ZNF536: variants seen among roughly 807,000 people sequenced by gnomAD.
ZNF536 encodes zinc finger protein 536.
ZNF536 carries 13 observed loss-of-function variants against 84.5 expected under a neutral mutation model. The ratio of observed to expected loss-of-function variants is 0.15; its 90% confidence interval spans 0.10 to 0.24. The LOEUF (loss-of-function observed/expected upper bound fraction) is 0.24. ZNF536 is among the 10% of genes least tolerant of loss of function. The pLI is 1.00. For missense variants in ZNF536, 1,536 were observed against 1,747.5 expected (o/e 0.88, Z 2.16); for synonymous variants, 811 against 742.5 (o/e 1.09, Z -1.50).
intron 2 of ZNF536, among the ~76,000 whole-genome samples, chr19:30,489,925 G>C (rs76720555): frequency 2.8e-3 from 430 of 152,320 alleles, no homozygotes; most frequent in African/African-American, 9.6e-3. Context: ...ATGGTACTTG[G>C]TCATAGATTG....
intron 1 of ZNF536, among the ~76,000 whole-genome samples, chr19:30,644,430 T>C (rs1387633785): frequency 1.3e-5 from 2 of 152,114 alleles, no homozygotes; most frequent in African/African-American, 2.4e-5. Context: ...GTTAGTTACA[T>C]ATGTATACAT....
At chr19:30,243,853 T>C (rs2024098898) in intron 1 of ZNF536, among the ~76,000 whole-genome samples, 1 of 152,222 alleles carries the variant, frequency 6.6e-6, no homozygotes, top group Non-Finnish European at 1.5e-5. Flanking sequence ...TGCAGATGTA[T>C]AGAGATTGCA....
intron 1 of ZNF536, among the ~76,000 whole-genome samples, chr19:30,672,380 T>A (rs139413752): frequency 1.3e-5 from 2 of 152,216 alleles, no homozygotes; most frequent in African/African-American, 4.8e-5. Context: ...TTAGAATGCA[T>A]GCGTTTGAAA....
In ZNF536 at chr19:30,326,800, T is replaced by TTTTTTTTG. The variant is rs1568333913; in HGVS notation, c.-119-25561_-119-25560insGTTTTTTT. On this transcript the variant is annotated intron_variant, in intron 2 of 5. Transcript: ENST00000585628. ...TTTTTTTTATAAAAAGCTTTTTTTT[T>TTTTTTTTG]TTTTTTTTTTTTTTTTTTGTTTTCT... Among the ~76,000 whole-genome samples the TTTTTTTTG allele has an allele frequency of 3.0e-4, 37 of 123,450 alleles. 1 individual carries two copies. Among genetic ancestry groups the TTTTTTTTG allele is most frequent in the Non-Finnish European group, 6.1e-4 (37 of 60,646 alleles). The allele number at this position is 123,450 out of a possible 152,430, so 81.0% of individuals were successfully genotyped here.
At chr19:30,469,216 C>T (rs1272115344) in intron 2 of ZNF536, among the ~76,000 whole-genome samples, 1 of 152,194 alleles carries the variant, frequency 6.6e-6, no homozygotes, top group Non-Finnish European at 1.5e-5. Flanking sequence ...AGGTCGAGAC[C>T]ATCCTGGCTA....
chr19:30,617,989 G>A (rs1252476267), intron 1 of ZNF536, among the ~76,000 whole-genome samples: 1 of 152,140 alleles, frequency 6.6e-6, no homozygotes, highest in Non-Finnish European at 1.5e-5. Context: ...TTAAGCGAAT[G>A]GAATTTTGTG....
chr19:30,653,687 C>G (rs1020670431), intron 1 of ZNF536, among the ~76,000 whole-genome samples: 1 of 146,600 alleles, frequency 6.8e-6, no homozygotes, highest in Non-Finnish European at 1.5e-5. Flanking sequence ...AGGTGGGAGC[C>G]GCTCCCTTAG....
chr19:30,435,264 TGGTGATGATGAC>T (rs1051042418), intron 1 of ZNF536, among the ~76,000 whole-genome samples: 3 of 151,226 alleles, frequency 2.0e-5, no homozygotes, highest in Admixed American at 2.0e-4. Flanking sequence ...GTGGTAATGA[TGGTGATGATGAC>T]GGTGATGATA....
intron 1 of ZNF536, among the ~76,000 whole-genome samples, chr19:30,597,023 G>C (rs748554254): frequency 6.6e-6 from 1 of 152,138 alleles, no homozygotes; most frequent in Non-Finnish European, 1.5e-5. Flanking sequence ...CTGGCTTCCT[G>C]TGATGTTAAG....
intron 1 of ZNF536, among the ~76,000 whole-genome samples, chr19:30,387,605 C>T (rs1015423569): frequency 6.6e-6 from 1 of 152,214 alleles, no homozygotes; most frequent in Non-Finnish European, 1.5e-5. Context: ...CCATGACTCT[C>T]GAAGCTGATG....
chr19:30,624,497 G>A (rs1008065384), intron 1 of ZNF536, among the ~76,000 whole-genome samples: 1 of 152,156 alleles, frequency 6.6e-6, no homozygotes, highest in African/African-American at 2.4e-5. Context: ...ATCATGCCAT[G>A]TATTCTTGAT....
intron 1 of ZNF536, among the ~76,000 whole-genome samples, chr19:30,659,731 C>A (rs2050049806): frequency 6.6e-6 from 1 of 151,250 alleles, no homozygotes; most frequent in African/African-American, 2.5e-5. Flanking sequence ...CCCCATGATA[C>A]AATTATCTCC....
intron 1 of ZNF536, among the ~76,000 whole-genome samples, chr19:30,577,104 T>G (rs917324761): frequency 1.1e-4 from 17 of 152,240 alleles, no homozygotes; most frequent in African/African-American, 4.1e-4. Flanking sequence ...CCACCAACTC[T>G]TCAACGATTA....
chr19:30,326,791 C>CGTT (rs1206621206), intron 2 of ZNF536, among the ~76,000 whole-genome samples: 1 of 51,958 alleles, frequency 1.9e-5, no homozygotes, highest in African/African-American at 7.8e-5. Flanking sequence ...TTATAAAAAG[C>CGTT]TTTTTTTTTT....
intron 1 of ZNF536, among the ~76,000 whole-genome samples, chr19:30,585,477 C>T (rs2047064797): frequency 6.6e-6 from 1 of 152,158 alleles, no homozygotes; most frequent in Admixed American, 6.5e-5. Context: ...TTGATGGAGA[C>T]CCTAGAGCCA....
intron 1 of ZNF536, among the ~76,000 whole-genome samples, chr19:30,696,405 T>C (rs746850363): frequency 3.3e-5 from 5 of 152,232 alleles, no homozygotes; most frequent in Admixed American, 1.3e-4. Context: ...CATTAGAGTA[T>C]TATTATATTA....
At chr19:30,706,671 T>C (rs1321974037) in intron 1 of ZNF536, among the ~76,000 whole-genome samples, 1 of 152,192 alleles carries the variant, frequency 6.6e-6, no homozygotes, top group African/African-American at 2.4e-5. Context: ...GGTTTTGGTT[T>C]TATTTTTTAT....
At chr19:30,425,913 G>A (rs1425772317) in intron 1 of ZNF536, among the ~76,000 whole-genome samples, 3 of 152,230 alleles carry the variant, frequency 2.0e-5, no homozygotes, top group Non-Finnish European at 4.4e-5. Context: ...GTAGTTGGCT[G>A]TGGAGTCTGG....
intron 2 of ZNF536, among the ~76,000 whole-genome samples, chr19:30,526,518 A>G (rs2044584810): frequency 6.7e-6 from 1 of 148,842 alleles, no homozygotes; most frequent in African/African-American, 2.4e-5. Flanking sequence ...AGGTCAGGAG[A>G]TCGAGACCAT....
Sources: gnomAD v4.1 joint callset for allele counts (sites outside exome capture counted in the v4.1 genomes callset) on GRCh38, gnomAD v4.1.1 for gene constraint, MANE v1.5 for transcripts, NCBI Gene and HGNC (gene_info 2026-07-23, HGNC 2026-07-21) for gene names.